WDPCP: variants seen among roughly 807,000 people sequenced by gnomAD.
The protein encoded by WDPCP is WD repeat-containing and planar cell polarity effector protein fritz homolog.
WDPCP carries 71 observed loss-of-function variants against 93.1 expected under a neutral mutation model. That is an observed-to-expected ratio of 0.76 (90% CI 0.63 to 0.93). The LOEUF is 0.93. WDPCP is among the 40% of genes least tolerant of loss of function. The pLI, the probability that WDPCP is intolerant of heterozygous loss-of-function variation, is 0.00. For missense variants in WDPCP, 844 were observed against 887.4 expected (o/e 0.95, Z 0.62); for synonymous variants, 315 against 315.0 (o/e 1.00, Z 0.00).
rs554007362 is a variant in WDPCP, at chr2:63,714,860, A to G, written n.309-64022T>C. ...AACAAACAAACAACAAATAAATAAT[A>G]GTACACAAATGTTCATAGCAGCACA... On this transcript the variant is annotated intron_variant and non_coding_transcript_variant, in intron 2 of 4. Coordinates refer to the WDPCP transcript ENST00000467687. Among the ~76,000 whole-genome samples the G allele has an allele frequency of 2.0e-5, 3 of 152,194 alleles. No individual in the cohort carries two copies. In the South Asian group the frequency reaches 6.2e-4, roughly 32 times the overall value.
chr2:63,301,612 T>TAATCCC (rs1366946382), intron 13 of WDPCP, among the ~76,000 whole-genome samples: 1 of 152,166 alleles, frequency 6.6e-6, no homozygotes, highest in Non-Finnish European at 1.5e-5. Context: ...TAAGCATGAC[T>TAATCCC]AATCCCAATC....
intron 3 of WDPCP, chr2:63,622,802 C>T: frequency 1.9e-6 from 3 of 1,611,978 alleles, no homozygotes; most frequent in South Asian, 2.2e-5. Context: ...AACTCCGGAG[C>T]ACGCTCTGGC....
At chr2:63,544,163 C>T (rs187345363) in intron 1 of WDPCP, among the ~76,000 whole-genome samples, 1 of 152,140 alleles carries the variant, frequency 6.6e-6, no homozygotes, top group East Asian at 1.9e-4. Context: ...CATCCTGACA[C>T]CTTTTTTCAA....
intron 13 of WDPCP, among the ~76,000 whole-genome samples, chr2:63,282,176 A>G (rs185966432): frequency 6.6e-6 from 1 of 152,312 alleles, no homozygotes; most frequent in East Asian, 1.9e-4. Context: ...ATATAATACA[A>G]AGTTATGGTA....
At chr2:63,525,235 G>A (rs1293213777) in intron 1 of WDPCP, among the ~76,000 whole-genome samples, 5 of 152,116 alleles carry the variant, frequency 3.3e-5, no homozygotes, top group African/African-American at 1.2e-4. Context: ...ACAGACCCAA[G>A]GCCTACCTGA....
intron 17 of WDPCP, among the ~76,000 whole-genome samples, chr2:63,131,550 TGTGA>T (rs1670292448): frequency 6.6e-6 from 1 of 152,322 alleles, no homozygotes; most frequent in Non-Finnish European, 1.5e-5. Flanking sequence ...AGATTTTTTG[TGTGA>T]GTAATTTTAT....
At chr2:63,717,114 T>C (rs1175520413) in intron 2 of WDPCP, 7 of 339,174 alleles carry the variant, frequency 2.1e-5, no homozygotes, top group Non-Finnish European at 3.4e-5. Flanking sequence ...TATTCTGGAG[T>C]TCACCTGCCA....
At chr2:63,549,436 A>C (rs974349446) in intron 1 of WDPCP, among the ~76,000 whole-genome samples, 1 of 151,648 alleles carries the variant, frequency 6.6e-6, no homozygotes, top group Non-Finnish European at 1.5e-5. Context: ...TGGAAACTAG[A>C]AAAAAAAATT....
chr2:63,819,732 AC>A (rs1470279325), intron 1 of WDPCP, among the ~76,000 whole-genome samples: 1 of 152,142 alleles, frequency 6.6e-6, no homozygotes, highest in African/African-American at 2.4e-5. Context: ...GGTCCCCTTC[AC>A]TTAAAAGAGA....
intron 12 of WDPCP, among the ~76,000 whole-genome samples, chr2:63,314,238 G>A (rs1483461241): frequency 1.3e-5 from 2 of 151,582 alleles, no homozygotes; most frequent in African/African-American, 4.9e-5. Context: ...GTACAGTGGT[G>A]CAATCATCGC....
At chr2:63,583,717 A>G (rs1442860575) in intron 1 of WDPCP, among the ~76,000 whole-genome samples, 5 of 151,928 alleles carry the variant, frequency 3.3e-5, no homozygotes, top group African/African-American at 1.2e-4. Flanking sequence ...AAAAATGTAA[A>G]TAGTTATTTT....
intron 2 of WDPCP, among the ~76,000 whole-genome samples, chr2:63,490,478 C>T (rs1243787335): frequency 2.0e-5 from 3 of 152,098 alleles, no homozygotes; most frequent in Non-Finnish European, 4.4e-5. Context: ...AATGAGAGCA[C>T]ATTAACAGGG....
intron 14 of WDPCP, among the ~76,000 whole-genome samples, chr2:63,178,257 T>G (rs1215079186): frequency 6.6e-6 from 1 of 152,126 alleles, no homozygotes; most frequent in Non-Finnish European, 1.5e-5. Flanking sequence ...CTTCTTTTAA[T>G]TTTTTTGGAA....
Position 63,174,805 on chromosome 2 carries a change from T to C in WDPCP, c.1943A>G (p.Asp648Gly). The C allele has an allele frequency of 6.2e-7, 1 of 1,613,936 alleles. No homozygotes were observed. Among genetic ancestry groups the C allele is most frequent in the Non-Finnish European group, 8.5e-7 (1 of 1,179,882 alleles). The change falls in exon 15 of 18, where the codon GAT (aspartate) becomes GGT (glycine). Residue 648 changes from aspartate to glycine, a missense_variant. Transcript: ENST00000272321. ...GCCAATAAATGCTTCATTTAGCATA[T>C]CCCCTCTGTCCAAGGGTCCCAGGAG... The part of the protein sequence containing the change: ...VELLGPLDRG[D>G]MLNEAFIGLS...
chr2:63,217,692 C>T (rs1341373422), intron 14 of WDPCP, among the ~76,000 whole-genome samples: 3 of 152,268 alleles, frequency 2.0e-5, no homozygotes, highest in African/African-American at 7.2e-5. Context: ...TGCTGAGCCA[C>T]ATAATTAATG....
At chr2:63,129,943 T>C (rs1232340864) in intron 17 of WDPCP, among the ~76,000 whole-genome samples, 1 of 152,206 alleles carries the variant, frequency 6.6e-6, no homozygotes, top group East Asian at 1.9e-4. Flanking sequence ...AAAAAGTCTG[T>C]ACATGTTTAG....
intron 3 of WDPCP, chr2:63,594,558 G>A: frequency 1.2e-6 from 2 of 1,613,536 alleles, no homozygotes; most frequent in South Asian, 2.2e-5. Context: ...TACAGTATTG[G>A]AAATGGATCT....
chr2:63,305,090 C>T (rs1301686771), intron 13 of WDPCP, among the ~76,000 whole-genome samples: 1 of 152,134 alleles, frequency 6.6e-6, no homozygotes, highest in East Asian at 1.9e-4. Context: ...AAGGCAGCAG[C>T]CCCAGTCAGG....
intron 12 of WDPCP, among the ~76,000 whole-genome samples, chr2:63,323,915 T>TG (rs1156705840): frequency 6.6e-6 from 1 of 151,870 alleles, no homozygotes; most frequent in African/African-American, 2.4e-5. Context: ...GGTTTGTGGG[T>TG]GGGGGAGAAA....
Sources: allele counts gnomAD v4.1 joint callset (sites outside exome capture counted in the v4.1 genomes callset), GRCh38; gene constraint gnomAD v4.1.1; transcripts MANE v1.5; gene names NCBI Gene and HGNC (gene_info 2026-07-23, HGNC 2026-07-21).